KCTD16: variants seen among roughly 807,000 people sequenced by gnomAD.
The protein encoded by KCTD16 is BTB/POZ domain-containing protein KCTD16.
Under a neutral mutation model 33.2 loss-of-function variants are expected in KCTD16, and 13 were observed. The observed-to-expected ratio is 0.39, with a 90% CI of 0.25 to 0.62. The LOEUF is 0.62. Among genes scored for constraint, KCTD16 ranks in the 20% least tolerant of loss-of-function variants. The pLI, the probability that KCTD16 is intolerant of heterozygous loss-of-function variation, is 0.50. For synonymous variants in KCTD16, 197 were observed against 195.3 expected (o/e 1.01, Z -0.07); for missense variants, 441 against 525.1 (o/e 0.84, Z 1.57).
intron 3 of KCTD16, among the ~76,000 whole-genome samples, chr5:144,269,536 C>T (rs1489878519): frequency 1.3e-5 from 2 of 151,956 alleles, no homozygotes; most frequent in Non-Finnish European, 2.9e-5. Flanking sequence ...AATAAATTTC[C>T]AGTTAAACAA....
At chr5:144,281,169 G>A (rs968580066) in intron 3 of KCTD16, among the ~76,000 whole-genome samples, 3 of 152,332 alleles carry the variant, frequency 2.0e-5, no homozygotes, top group South Asian at 2.1e-4. Context: ...GCGACAGACC[G>A]AGACTCCGTC....
intron 3 of KCTD16, among the ~76,000 whole-genome samples, chr5:144,308,449 G>A (rs941810859): frequency 6.6e-6 from 1 of 152,186 alleles, no homozygotes; most frequent in Non-Finnish European, 1.5e-5. Context: ...GAGGCGGGTG[G>A]GCAGGTGTTG....
At chr5:144,220,436 G>C (rs1753710602) in intron 3 of KCTD16, among the ~76,000 whole-genome samples, 1 of 152,104 alleles carries the variant, frequency 6.6e-6, no homozygotes, top group Admixed American at 6.5e-5. Context: ...TCAGCACCTA[G>C]TATAGTGCCT....
intron 2 of KCTD16, among the ~76,000 whole-genome samples, chr5:144,183,012 ATGTTGTACACCT>A (rs1363392410): frequency 1.3e-5 from 2 of 151,914 alleles, no homozygotes; most frequent in Non-Finnish European, 2.9e-5. Flanking sequence ...ATAAAAAGTC[ATGTTGTACACCT>A]TAACTTTATG....
chr5:144,188,381 C>CA (rs1406605505), intron 2 of KCTD16, among the ~76,000 whole-genome samples: 4 of 152,102 alleles, frequency 2.6e-5, no homozygotes, highest in African/African-American at 9.7e-5. Context: ...AGAAAATAGT[C>CA]AAAGTTAGTT....
At chr5:144,258,986 C>T (rs184434449) in intron 3 of KCTD16, among the ~76,000 whole-genome samples, 71 of 152,122 alleles carry the variant, frequency 4.7e-4, no homozygotes, top group African/African-American at 1.6e-3. Context: ...AGGCCGGGTG[C>T]GGTGGCTCAC....
At chr5:144,205,457 C>G (rs1445759626) in intron 2 of KCTD16, 2 of 398,616 alleles carry the variant, frequency 5.0e-6, no homozygotes, top group Non-Finnish European at 8.8e-6. Flanking sequence ...AGCCCCGGGC[C>G]CCCCGCCGGC....
intron 3 of KCTD16, among the ~76,000 whole-genome samples, chr5:144,396,911 AT>A (rs1489740245): frequency 1.5e-5 from 1 of 68,960 alleles, no homozygotes; most frequent in African/African-American, 7.7e-5. Context: ...CACTTTATTT[AT>A]TATATATATA....
chr5:144,464,341 T>C (rs1754268636), intron 3 of KCTD16, among the ~76,000 whole-genome samples: 3 of 152,200 alleles, frequency 2.0e-5, no homozygotes. Context: ...TCCTCATCAA[T>C]AAAATAGGAA....
intron 3 of KCTD16, among the ~76,000 whole-genome samples, chr5:144,279,681 T>C (rs2126853675): frequency 6.6e-6 from 1 of 152,318 alleles, no homozygotes; most frequent in South Asian, 2.1e-4. Flanking sequence ...AAACTCACTT[T>C]TATAACAAAT....
intron 3 of KCTD16, among the ~76,000 whole-genome samples, chr5:144,402,839 G>T (rs1752732682): frequency 6.6e-6 from 1 of 152,188 alleles, no homozygotes; most frequent in Non-Finnish European, 1.5e-5. Context: ...GTAACAAATT[G>T]CCATAAATGT....
chr5:144,229,798 G>A (rs1191682884), intron 3 of KCTD16, among the ~76,000 whole-genome samples: 3 of 152,100 alleles, frequency 2.0e-5, no homozygotes, highest in Non-Finnish European at 2.9e-5. Flanking sequence ...TGTGTCATTC[G>A]CTAACCAAAT....
intron 3 of KCTD16, among the ~76,000 whole-genome samples, chr5:144,320,588 G>T (rs909424703): frequency 1.3e-5 from 2 of 152,102 alleles, no homozygotes; most frequent in Admixed American, 1.3e-4. Flanking sequence ...AGGAATACAA[G>T]TTTGAAAGTG....
chr5:144,347,068 A>C (rs1752822424), intron 3 of KCTD16, among the ~76,000 whole-genome samples: 2 of 152,086 alleles, frequency 1.3e-5, no homozygotes, highest in South Asian at 4.1e-4. Context: ...TTATTCTTCC[A>C]GCAGAAGTTT....
chr5:144,433,834 GA>G (rs1173059523), intron 3 of KCTD16, among the ~76,000 whole-genome samples: 1 of 152,130 alleles, frequency 6.6e-6, no homozygotes, highest in African/African-American at 2.4e-5. Flanking sequence ...TTTTGCTTGT[GA>G]AAAACAATGT....
chr5:144,291,965 G>A (rs1755906015), intron 3 of KCTD16, among the ~76,000 whole-genome samples: 1 of 152,024 alleles, frequency 6.6e-6, no homozygotes, highest in South Asian at 2.1e-4. Flanking sequence ...TTAGACTGTT[G>A]CTAAATCTTA....
intron 3 of KCTD16, among the ~76,000 whole-genome samples, chr5:144,210,289 G>A (rs917778596): frequency 2.0e-5 from 3 of 152,016 alleles, no homozygotes; most frequent in African/African-American, 7.2e-5. Flanking sequence ...AAGTCAACAG[G>A]TATTTGTATG....
chr5:144,456,937 C>T (rs1431815960), intron 3 of KCTD16, among the ~76,000 whole-genome samples: 1 of 152,086 alleles, frequency 6.6e-6, no homozygotes, highest in African/African-American at 2.4e-5. Context: ...ATTTAAATAT[C>T]TGAAAGGTGG....
At chr5:144,262,816 T>A (rs928535579) in intron 3 of KCTD16, among the ~76,000 whole-genome samples, 1 of 152,236 alleles carries the variant, frequency 6.6e-6, no homozygotes, top group African/African-American at 2.4e-5. Flanking sequence ...GTGTGACTCT[T>A]ATCACTTTAT....
Sources: allele counts gnomAD v4.1 joint callset (sites outside exome capture counted in the v4.1 genomes callset), GRCh38; gene constraint gnomAD v4.1.1; transcripts MANE v1.5; gene names NCBI Gene and HGNC (gene_info 2026-07-23, HGNC 2026-07-21).